Variants in RPS6KA2 observed in about 807,000 individuals in gnomAD.
The protein encoded by RPS6KA2 is ribosomal protein S6 kinase alpha-2.
In RPS6KA2, 42 loss-of-function variants were observed where a neutral mutation model predicts 91.8. That is an observed-to-expected ratio of 0.46 (90% confidence interval 0.36 to 0.59). RPS6KA2 has a LOEUF of 0.59. RPS6KA2 is among the 20% of genes least tolerant of loss of function. The pLI is 0.00. For synonymous variants in RPS6KA2, 414 were observed against 393.6 expected (o/e 1.05, Z -0.61); for missense variants, 798 against 978.5 (o/e 0.82, Z 2.46).
intron 1 of RPS6KA2, among the ~76,000 whole-genome samples, chr6:166,590,208 T>C (rs7738206): frequency 0.055 from 8,317 of 152,296 alleles, 764 homozygotes; most frequent in African/African-American, 0.19. Flanking sequence ...TTGCTTATAC[T>C]TTTTGCTTAA....
intron 2 of RPS6KA2, among the ~76,000 whole-genome samples, chr6:166,839,156 A>G (rs768182807): frequency 6.6e-6 from 1 of 152,230 alleles, no homozygotes; most frequent in African/African-American, 2.4e-5. Flanking sequence ...TCCAGCAGCC[A>G]GAAGGAACTC....
At chr6:166,484,653 T>C (rs1404590087) in intron 10 of RPS6KA2, among the ~76,000 whole-genome samples, 1 of 152,194 alleles carries the variant, frequency 6.6e-6, no homozygotes, top group African/African-American at 2.4e-5. Flanking sequence ...GAAAAGGCAG[T>C]GCACTGAGGA....
Position 166,765,794 on chromosome 6 carries a change from A to G in RPS6KA2, c.123+92406T>C, listed in dbSNP as rs529518757. ...TAGGCTTCATCTCCTCATCTGTAAGATGGCAATACTCACAGTAATATAAAG... is the reference window on the plus strand; with the variant it reads ...TAGGCTTCATCTCCTCATCTGTAAGGTGGCAATACTCACAGTAATATAAAG... On this transcript the variant is annotated intron_variant, in intron 2 of 21. Coordinates refer to the RPS6KA2 transcript ENST00000503859. 2.6e-5 allele frequency among the ~76,000 whole-genome samples: 4 copies of G among 152,332 alleles called. No individual in the cohort carries two copies. In the East Asian group the frequency reaches 5.8e-4, roughly 22 times the overall value.
chr6:166,458,027 G>A (rs1583161086), intron 12 of RPS6KA2, among the ~76,000 whole-genome samples: 1 of 152,238 alleles, frequency 6.6e-6, no homozygotes, highest in East Asian at 1.9e-4. Context: ...CTTGTGGATG[G>A]TTTTGTACAT....
rs2128559165 is a variant in RPS6KA2, at chr6:166,665,504, C to T, written c.124-126720G>A. On this transcript the variant is annotated intron_variant, in intron 2 of 21. Coordinates refer to the RPS6KA2 transcript ENST00000503859. The surrounding 1 kb of genome is among the most constrained non-coding windows in gnomAD (Gnocchi z 4.5). The stretch of plus-strand genomic sequence containing the variant: ...CCCCTCTGAGAAGACCCCCATGTGA[C>T]TTCCCCACCTTTGTGGCGCATGGTA... Among the ~76,000 whole-genome samples, 1 of 152,138 alleles carries T rather than the reference C, an allele frequency of 6.6e-6. No homozygotes were observed. The highest frequency in any genetic ancestry group is 2.4e-5 in the African/African-American group (1 of 41,530).
At chr6:166,765,313 G>A (rs976241376) in intron 2 of RPS6KA2, among the ~76,000 whole-genome samples, 6 of 152,138 alleles carry the variant, frequency 3.9e-5, no homozygotes, top group South Asian at 2.1e-4. Flanking sequence ...CCAGCACACC[G>A]GCCCTCAAGT....
At chr6:166,593,752 A>G (rs1465835693) in intron 1 of RPS6KA2, among the ~76,000 whole-genome samples, 2 of 152,260 alleles carry the variant, frequency 1.3e-5, no homozygotes, top group African/African-American at 4.8e-5. Context: ...AAATGGCAAA[A>G]GATCTAAACA....
chr6:166,695,361 C>T (rs1373187343), intron 2 of RPS6KA2, among the ~76,000 whole-genome samples: 15 of 152,288 alleles, frequency 9.8e-5, no homozygotes, highest in South Asian at 2.1e-4. Flanking sequence ...CAGAGAAAAG[C>T]GCAGTGTCAT....
At chr6:166,641,091 T>G (rs910267652) in intron 2 of RPS6KA2, among the ~76,000 whole-genome samples, 1 of 152,090 alleles carries the variant, frequency 6.6e-6, no homozygotes, top group African/African-American at 2.4e-5. Context: ...CAGAGGCAAA[T>G]GTAAGTACAA....
At chr6:166,540,691 G>T (rs964176209) in intron 1 of RPS6KA2, among the ~76,000 whole-genome samples, 3 of 152,106 alleles carry the variant, frequency 2.0e-5, no homozygotes, top group Admixed American at 2.0e-4. Flanking sequence ...CACAGCACAG[G>T]CTTACTAGAA....
intron 2 of RPS6KA2, among the ~76,000 whole-genome samples, chr6:166,534,718 T>C (rs893241895): frequency 6.6e-6 from 1 of 152,240 alleles, no homozygotes; most frequent in South Asian, 2.1e-4. Flanking sequence ...TTCATACTTA[T>C]CTGTTTTGAA....
chr6:166,716,278 A>G (rs1465920643), intron 2 of RPS6KA2, among the ~76,000 whole-genome samples: 1 of 152,194 alleles, frequency 6.6e-6, no homozygotes, highest in Non-Finnish European at 1.5e-5. Context: ...GAACATGGAA[A>G]TAAATGTAAG....
intron 17 of RPS6KA2, among the ~76,000 whole-genome samples, chr6:166,420,407 CCT>C (rs1223035928): frequency 6.6e-6 from 1 of 152,164 alleles, no homozygotes. Flanking sequence ...ACAACAACTC[CCT>C]GTCCCCCAGC....
At chr6:166,622,095 T>C (rs548251735) in intron 1 of RPS6KA2, among the ~76,000 whole-genome samples, 1 of 152,314 alleles carries the variant, frequency 6.6e-6, no homozygotes, top group South Asian at 2.1e-4. Context: ...AAAAATAGTC[T>C]GAACAGTCTT....
chr6:166,573,542 C>A (rs1029048082), intron 1 of RPS6KA2, among the ~76,000 whole-genome samples: 14 of 152,244 alleles, frequency 9.2e-5, no homozygotes, highest in African/African-American at 2.7e-4. Context: ...TGCCTCCCTG[C>A]AGAATGTGCC....
chr6:166,733,844 G>A lies in RPS6KA2; in HGVS notation c.123+124356C>T, dbSNP rs547396416. Among the ~76,000 whole-genome samples the A allele has an allele frequency of 3.9e-5, 6 of 152,310 alleles. No homozygotes were observed. The East Asian group carries it at 1.2e-3, about 29-fold the overall frequency. On this transcript the variant is annotated intron_variant, in intron 2 of 21. Coordinates refer to the RPS6KA2 transcript ENST00000503859. This position sits in a 1 kb window ranked among gnomAD's most constrained non-coding sequence, Gnocchi z 4.1. Reference sequence around the variant, plus strand: ...TTTTCTGTTTATAAAGCGGATATGAGCAGGTTTACAGGCTGAACAGAGTAA... The same window carrying A: ...TTTTCTGTTTATAAAGCGGATATGAACAGGTTTACAGGCTGAACAGAGTAA...
At chr6:166,801,469 A>G (rs1779364753) in intron 2 of RPS6KA2, among the ~76,000 whole-genome samples, 1 of 152,138 alleles carries the variant, frequency 6.6e-6, no homozygotes, top group Non-Finnish European at 1.5e-5. Flanking sequence ...CAGCTTCCCA[A>G]ATAGCTGGGA....
chr6:166,723,699 C>CTTTTTTT lies in RPS6KA2; in HGVS notation c.123+134500_123+134501insAAAAAAA, dbSNP rs10637819. Among the ~76,000 whole-genome samples, 254 of 146,250 alleles carry CTTTTTTT rather than the reference C, an allele frequency of 1.7e-3. 4 individuals are homozygous for CTTTTTTT. Among genetic ancestry groups the CTTTTTTT allele is most frequent in the African/African-American group, 6.6e-3 (244 of 37,192 alleles). ...AATTTCCTTTTTCTTTTTTTCTTTT[C>CTTTTTTT]TTTTCTTTTTTTTTTTTTTGAGATG... On this transcript the variant is annotated intron_variant, in intron 2 of 21. Coordinates refer to the RPS6KA2 transcript ENST00000503859.
intron 2 of RPS6KA2, among the ~76,000 whole-genome samples, chr6:166,764,842 A>G (rs1323639960): frequency 6.6e-6 from 1 of 152,234 alleles, no homozygotes; most frequent in Non-Finnish European, 1.5e-5. Context: ...CGTATTTCAC[A>G]CATTTACACA....
Sources: gnomAD v4.1 joint callset for allele counts (sites outside exome capture counted in the v4.1 genomes callset) on GRCh38, gnomAD v4.1.1 for gene constraint, Gnocchi (gnomAD v3.1) non-coding constraint, MANE v1.5 for transcripts, NCBI Gene and HGNC (gene_info 2026-07-23, HGNC 2026-07-21) for gene names.